The following SAMD3 variants were observed in gnomAD, a reference collection of about 807,000 sequenced individuals.
SAMD3 encodes sterile alpha motif domain containing 3, also known as sterile alpha motif domain-containing protein 3.
A neutral mutation model predicts 58.5 loss-of-function variants in SAMD3; 63 were observed. That is an observed-to-expected ratio of 1.08 (90% CI 0.88 to 1.33). The LOEUF (loss-of-function observed/expected upper bound fraction) is 1.33, where lower values mean the gene tolerates loss of function less well. Ranked by LOEUF, SAMD3 falls within the 40% of genes most tolerant of loss-of-function variation. The probability of loss-of-function intolerance (pLI) is 0.00; values close to 1 mark genes in which losing one functional copy is unlikely to be tolerated. For synonymous variants in SAMD3, 220 were observed against 210.3 expected (o/e 1.05, Z -0.40); for missense variants, 604 against 608.4 (o/e 0.99, Z 0.08).
intron 1 of SAMD3, among the ~76,000 whole-genome samples, chr6:130,322,721 A>G (rs1402934044): frequency 6.6e-6 from 1 of 152,244 alleles, no homozygotes; most frequent in African/African-American, 2.4e-5. Context: ...AAACCTAACA[A>G]CCATTCATGA....
At chr6:130,265,284 C>T (rs570283608) in intron 2 of SAMD3, among the ~76,000 whole-genome samples, 1 of 152,280 alleles carries the variant, frequency 6.6e-6, no homozygotes, top group South Asian at 2.1e-4. Context: ...CATCCTTAAA[C>T]AGCAGTAGAC....
intron 2 of SAMD3, among the ~76,000 whole-genome samples, chr6:130,284,983 T>G (rs370937896): frequency 1.3e-5 from 2 of 152,198 alleles, no homozygotes; most frequent in Non-Finnish European, 2.9e-5. Flanking sequence ...CATCTCTGTT[T>G]GTAATAGCAA....
chr6:130,156,656 G>A (rs1789810338), intron 8 of SAMD3, among the ~76,000 whole-genome samples: 1 of 152,128 alleles, frequency 6.6e-6, no homozygotes, highest in African/African-American at 2.4e-5. Context: ...AAAGAGGTAG[G>A]TTTTGAGAAA....
chr6:130,275,565 A>T (rs938167342), intron 2 of SAMD3, among the ~76,000 whole-genome samples: 2 of 152,144 alleles, frequency 1.3e-5, no homozygotes, highest in African/African-American at 4.8e-5. Flanking sequence ...ACAATTGTAT[A>T]TAGCAATCTA....
At chr6:130,306,457 G>A (rs1199260808) in intron 2 of SAMD3, among the ~76,000 whole-genome samples, 1 of 152,170 alleles carries the variant, frequency 6.6e-6, no homozygotes, top group Non-Finnish European at 1.5e-5. Flanking sequence ...TGCTGTAGCT[G>A]GAAGGAAGTT....
intron 1 of SAMD3, among the ~76,000 whole-genome samples, chr6:130,220,651 G>A (rs950510675): frequency 1.3e-5 from 2 of 152,160 alleles, no homozygotes; most frequent in African/African-American, 4.8e-5. Context: ...TACATACGTG[G>A]TTATATGTTT....
At position 130,184,174 on chromosome 6, in the gene SAMD3, G is replaced by A. The variant is rs554657986; in HGVS notation, c.583C>T (p.Gln195Ter). 3 of 1,609,534 alleles carry A rather than the reference G, an allele frequency of 1.9e-6. No individual in the cohort carries two copies. Among genetic ancestry groups the A allele is most frequent in the African/African-American group, 1.3e-5 (1 of 74,778 alleles). ...GCATTAACCACGTCATTGTACTGCT[G>A]GGTGCTGGGGTACCTGTTCACCAAA... is the stretch of plus-strand genomic sequence containing the variant. Reference protein sequence around the residue: ...YLEGSLYPSTQQYNDVVNALL... With the variant: ...YLEGSLYPST Residue 195 changes from glutamine to a stop codon, truncating the protein, a stop_gained, in exon 7 of 12, where the codon CAG (glutamine) becomes TAG (stop). Transcript: ENST00000439090. LOFTEE classifies it high-confidence loss of function.
intron 2 of SAMD3, among the ~76,000 whole-genome samples, chr6:130,229,038 G>C (rs2114875737): frequency 6.6e-6 from 1 of 152,340 alleles, no homozygotes; most frequent in East Asian, 1.9e-4. Context: ...GACTTCCCTA[G>C]ACTGGAGAGA....
chr6:130,246,611 C>G (rs1773555213), intron 2 of SAMD3, among the ~76,000 whole-genome samples: 2 of 151,888 alleles, frequency 1.3e-5, no homozygotes, highest in African/African-American at 4.8e-5. Context: ...TACAAATGCA[C>G]AGTTTGGCCG....
chr6:130,357,347 A>G (rs1215936982), intron 1 of SAMD3, among the ~76,000 whole-genome samples: 1 of 151,958 alleles, frequency 6.6e-6, no homozygotes, highest in African/African-American at 2.4e-5. Context: ...GATGGTCTTG[A>G]TCTCCTGACC....
chr6:130,195,938 A>G (rs964359100), intron 5 of SAMD3, among the ~76,000 whole-genome samples: 2 of 152,160 alleles, frequency 1.3e-5, no homozygotes, highest in African/African-American at 2.4e-5. Flanking sequence ...AAAGAAACCT[A>G]GCTGACCCCA....
At chr6:130,185,628 ATTTTT>A (rs1224222250) in intron 5 of SAMD3, among the ~76,000 whole-genome samples, 1 of 132,380 alleles carries the variant, frequency 7.6e-6, no homozygotes, top group Non-Finnish European at 1.6e-5. Context: ...CATCTGCCCA[ATTTTT>A]TTTTTTTTTT....
chr6:130,157,966 C>G lies in SAMD3; in HGVS notation c.823-2941G>C, dbSNP rs1405155469. On this transcript the variant is annotated intron_variant, in intron 8 of 11. Transcript: ENST00000439090. The stretch of plus-strand genomic sequence containing the variant: ...TTTGCAAAAAAAAAAAATTAAATTG[C>G]AAAAAAAACCTTATAAGATACCTAG... Among the ~76,000 whole-genome samples, 3 of 149,124 alleles carry G rather than the reference C, an allele frequency of 2.0e-5. No individual in the cohort carries two copies. In the East Asian group the frequency reaches 5.9e-4, roughly 29 times the overall value.
chr6:130,307,240 A>G (rs181048447), intron 2 of SAMD3, among the ~76,000 whole-genome samples: 1 of 152,268 alleles, frequency 6.6e-6, no homozygotes. Flanking sequence ...TCACAAGGGC[A>G]TGAGATCTGT....
intron 2 of SAMD3, among the ~76,000 whole-genome samples, chr6:130,266,009 A>T (rs1433403332): frequency 6.6e-6 from 1 of 152,198 alleles, no homozygotes; most frequent in African/African-American, 2.4e-5. Flanking sequence ...CAGCAAGGGA[A>T]AAGTGGCCCT....
intron 8 of SAMD3, among the ~76,000 whole-genome samples, chr6:130,169,256 G>C (rs1357109572): frequency 6.6e-6 from 1 of 152,024 alleles, no homozygotes; most frequent in Non-Finnish European, 1.5e-5. Flanking sequence ...ACACTTCTTA[G>C]TGTTTGTACA....
intron 1 of SAMD3, among the ~76,000 whole-genome samples, chr6:130,326,146 C>T (rs1776751407): frequency 6.6e-6 from 1 of 152,184 alleles, no homozygotes; most frequent in Non-Finnish European, 1.5e-5. Flanking sequence ...AAGCATTAAG[C>T]ATCTCTTATC....
intron 4 of SAMD3, among the ~76,000 whole-genome samples, chr6:130,211,655 T>C (rs1047458524): frequency 6.6e-6 from 1 of 152,002 alleles, no homozygotes; most frequent in African/African-American, 2.4e-5. Context: ...CCCTTCCAGT[T>C]CAAACCAATG....
chr6:130,236,082 AGATAT>A (rs1285725429), intron 2 of SAMD3, among the ~76,000 whole-genome samples: 1 of 152,256 alleles, frequency 6.6e-6, no homozygotes, highest in East Asian at 1.9e-4. Context: ...GTTAAAGATT[AGATAT>A]ATCTATTACA....
Sources: allele counts gnomAD v4.1 joint callset (sites outside exome capture counted in the v4.1 genomes callset), GRCh38; gene constraint gnomAD v4.1.1; transcripts MANE v1.5; gene names NCBI Gene and HGNC (gene_info 2026-07-23, HGNC 2026-07-21).